The following SHISA9 variants were observed in gnomAD, a reference collection of about 807,000 sequenced individuals.
The protein encoded by SHISA9 is protein shisa-9.
A neutral mutation model predicts 38.0 loss-of-function variants in SHISA9; 13 were observed. The observed-to-expected ratio is 0.34, with a 90% CI of 0.22 to 0.54. The LOEUF is 0.54. SHISA9 is among the 20% of genes least tolerant of loss of function. The pLI is 0.91. For missense variants in SHISA9, 538 were observed against 575.8 expected (o/e 0.93, Z 0.67); for synonymous variants, 275 against 242.0 (o/e 1.14, Z -1.27).
the SHISA9 span, among the ~76,000 whole-genome samples, chr16:13,394,995 G>A: frequency 7.2e-5 from 11 of 151,886 alleles, no homozygotes; most frequent in South Asian, 1.3e-3. Flanking sequence ...GCATGTGTAG[G>A]GGGTTGGTTT....
chr16:13,536,515 C>T, the SHISA9 span, among the ~76,000 whole-genome samples: 11 of 152,204 alleles, frequency 7.2e-5, no homozygotes, highest in East Asian at 7.7e-4. Context: ...TAAGAACAAA[C>T]GAATAAGCCC....
At chr16:12,959,752 G>T (rs1369617136) in intron 2 of SHISA9, among the ~76,000 whole-genome samples, 1 of 152,178 alleles carries the variant, frequency 6.6e-6, no homozygotes, top group Non-Finnish European at 1.5e-5. Context: ...GAGTGGCAGA[G>T]CCAAGTAGAG....
chr16:12,928,787 T>C (rs1596534349), intron 2 of SHISA9, among the ~76,000 whole-genome samples: 1 of 152,274 alleles, frequency 6.6e-6, no homozygotes, highest in African/African-American at 2.4e-5. Flanking sequence ...CTCCTCATTC[T>C]GCAGAGGCAT....
the SHISA9 span, among the ~76,000 whole-genome samples, chr16:13,461,303 A>C: frequency 6.6e-6 from 1 of 152,170 alleles, no homozygotes. Flanking sequence ...CTTACAGCCA[A>C]GCGCAGTGGC....
chr16:13,010,918 T>C (rs2072664817), intron 2 of SHISA9, among the ~76,000 whole-genome samples: 1 of 152,166 alleles, frequency 6.6e-6, no homozygotes, highest in Non-Finnish European at 1.5e-5. Flanking sequence ...AGCCACAGCA[T>C]TGCAGCCTGG....
At chr16:13,458,874 G>GTT in the SHISA9 span, among the ~76,000 whole-genome samples, 1 of 146,902 alleles carries the variant, frequency 6.8e-6, no homozygotes, top group African/African-American at 2.5e-5. Context: ...TTTGTTTTTT[G>GTT]TTTTTTTTTT....
intron 2 of SHISA9, among the ~76,000 whole-genome samples, chr16:13,002,502 T>C (rs1021208842): frequency 6.6e-6 from 1 of 151,920 alleles, no homozygotes; most frequent in Non-Finnish European, 1.5e-5. Context: ...GGATCTGGCA[T>C]TGCAATGTGA....
At chr16:13,387,465 A>C in the SHISA9 span, among the ~76,000 whole-genome samples, 5 of 151,460 alleles carry the variant, frequency 3.3e-5, no homozygotes, top group Non-Finnish European at 7.4e-5. Context: ...TGAAAGGAAC[A>C]AGGAAGCTTC....
chr16:13,292,730 G>A, the SHISA9 span, among the ~76,000 whole-genome samples: 1 of 152,218 alleles, frequency 6.6e-6, no homozygotes, highest in South Asian at 2.1e-4. Flanking sequence ...AATGGATAAA[G>A]GACTCTGAGG....
intron 2 of SHISA9, among the ~76,000 whole-genome samples, chr16:13,114,893 C>A (rs1266336810): frequency 7.8e-6 from 1 of 128,798 alleles, no homozygotes; most frequent in African/African-American, 2.9e-5. Flanking sequence ...CTAAGTATTA[C>A]ATCTAACTCC....
At chr16:13,443,030 C>T in the SHISA9 span, among the ~76,000 whole-genome samples, 1 of 152,334 alleles carries the variant, frequency 6.6e-6, no homozygotes, top group South Asian at 2.1e-4. Context: ...AGAGCCATAA[C>T]TCACTGAGGG....
intron 2 of SHISA9, among the ~76,000 whole-genome samples, chr16:13,046,061 C>A (rs948046921): frequency 6.6e-6 from 1 of 152,204 alleles, no homozygotes; most frequent in African/African-American, 2.4e-5. Flanking sequence ...ATTAATCAGG[C>A]ATCACTGAGG....
chr16:13,295,013 G>A, the SHISA9 span, among the ~76,000 whole-genome samples: 1 of 151,832 alleles, frequency 6.6e-6, no homozygotes, highest in South Asian at 2.1e-4. Context: ...TATTATTATT[G>A]CCATTTTACA....
chr16:13,037,595 G>A (rs1187537599), intron 2 of SHISA9, among the ~76,000 whole-genome samples: 1 of 151,968 alleles, frequency 6.6e-6, no homozygotes, highest in Non-Finnish European at 1.5e-5. Flanking sequence ...TCCTAGCCTG[G>A]GAATCAAACC....
At chr16:13,262,660 GGAAGGA>G in the SHISA9 span, among the ~76,000 whole-genome samples, 1 of 107,404 alleles carries the variant, frequency 9.3e-6, no homozygotes, top group African/African-American at 3.7e-5. Flanking sequence ...AAGGAAGGAA[GGAAGGA>G]AGGAAGGGAG....
At chr16:12,958,796 T>C (rs1445747503) in intron 2 of SHISA9, among the ~76,000 whole-genome samples, 1 of 152,088 alleles carries the variant, frequency 6.6e-6, no homozygotes, top group African/African-American at 2.4e-5. Context: ...ATCTAGTAAA[T>C]GGCAGTACTC....
chr16:13,162,435 G>C (rs1033123785), intron 2 of SHISA9, among the ~76,000 whole-genome samples: 1 of 152,186 alleles, frequency 6.6e-6, no homozygotes, highest in African/African-American at 2.4e-5. Context: ...AGTTTGAGGC[G>C]TAGGGATGTT....
At chr16:13,268,130 T>C in the SHISA9 span, among the ~76,000 whole-genome samples, 1 of 151,994 alleles carries the variant, frequency 6.6e-6, no homozygotes, top group South Asian at 2.1e-4. Context: ...TCTATTGTGA[T>C]CAAATCAATG....
the SHISA9 span, among the ~76,000 whole-genome samples, chr16:13,341,874 T>C: frequency 5.9e-5 from 9 of 152,314 alleles, no homozygotes; most frequent in African/African-American, 2.2e-4. Flanking sequence ...CTCCTCTGGA[T>C]TCATTATTTA....
Sources: allele counts gnomAD v4.1 joint callset (sites outside exome capture counted in the v4.1 genomes callset), GRCh38; gene constraint gnomAD v4.1.1; transcripts MANE v1.5; gene names NCBI Gene and HGNC (gene_info 2026-07-23, HGNC 2026-07-21).